Variants in MMP26 observed in about 807,000 individuals in gnomAD.
MMP26 encodes the protein matrix metallopeptidase 26, also known as matrix metalloproteinase-26.
Under a neutral mutation model 31.0 loss-of-function variants are expected in MMP26, and 33 were observed. That is an observed-to-expected ratio of 1.06 (90% CI 0.81 to 1.42). The LOEUF (loss-of-function observed/expected upper bound fraction) is 1.42. MMP26 is among the 40% of genes most tolerant of loss of function. The probability of loss-of-function intolerance (pLI) is 0.00; values close to 1 mark genes in which losing one functional copy is unlikely to be tolerated. For missense variants in MMP26, 347 were observed against 316.1 expected (o/e 1.10, Z -0.74); for synonymous variants, 122 against 114.9 (o/e 1.06, Z -0.40).
chr11:4,790,798 C>G (rs1197491458), intron 2 of MMP26, among the ~76,000 whole-genome samples: 2 of 152,090 alleles, frequency 1.3e-5, no homozygotes, highest in African/African-American at 4.8e-5. Context: ...GTTAACCATG[C>G]CAACTCAATA....
At chr11:4,808,498 T>G (rs373396997) in intron 2 of MMP26, among the ~76,000 whole-genome samples, 1 of 152,072 alleles carries the variant, frequency 6.6e-6, no homozygotes. Context: ...GGGGAGGACA[T>G]CTTTAATGTA....
At chr11:4,948,863 C>G (rs1846345257) in intron 2 of MMP26, among the ~76,000 whole-genome samples, 1 of 124,370 alleles carries the variant, frequency 8.0e-6, no homozygotes, top group African/African-American at 2.7e-5. Context: ...GAAAATAAGC[C>G]CCACTTGGTT....
At chr11:4,908,484 CA>C in intron 2 of MMP26, 2 of 613,836 alleles carry the variant, frequency 3.3e-6, no homozygotes, top group Admixed American at 5.6e-5. Context: ...AAAAAAAAGT[CA>C]AGAGATATAT....
chr11:4,775,712 G>A lies in MMP26; in HGVS notation c.-145+8371G>A, dbSNP rs187847816. Among the ~76,000 whole-genome samples, 9 of 151,582 alleles carry A rather than the reference G, an allele frequency of 5.9e-5. No individual in the cohort carries two copies. The East Asian group carries it at 7.7e-4, about 13-fold the overall frequency. ...GGCTGAAAGTGAAGGGTAGTCAAGC[G>A]AGTGCAGAGAGTACAAGGAAAGAGA... On this transcript the variant is annotated intron_variant, in intron 2 of 7. Coordinates refer to ENST00000380390, the MANE Select transcript of MMP26 (RefSeq NM_021801.5).
intron 1 of MMP26, chr11:4,723,459 T>A (rs1465690440): frequency 4.7e-6 from 5 of 1,058,198 alleles, no homozygotes; most frequent in African/African-American, 3.1e-5. Flanking sequence ...GCACCACAGA[T>A]GTGTCCGAAA....
Position 4,849,292 on chromosome 11 carries a change from G to A in MMP26, c.-145+81951G>A, listed in dbSNP as rs1253893299. On this transcript the variant is annotated intron_variant, in intron 2 of 7. Coordinates refer to ENST00000380390, the MANE Select transcript of MMP26 (RefSeq NM_021801.5). The stretch of plus-strand genomic sequence containing the variant: ...ATCGCGTGCCAAATTTGCATGAAAC[G>A]TTCCAAAATAGCCTGCATCTTCCCT... The A allele has an allele frequency of 3.5e-5, 50 of 1,444,180 alleles. 2 individuals are homozygous for A. The highest frequency in any genetic ancestry group is 1.1e-4 in the South Asian group (8 of 74,592). The allele number at this position is 1,444,180 out of a possible 1,614,324, so 89.5% of individuals were successfully genotyped here.
intron 1 of MMP26, among the ~76,000 whole-genome samples, chr11:4,726,962 A>G (rs908627722): frequency 6.6e-6 from 1 of 152,148 alleles, no homozygotes; most frequent in African/African-American, 2.4e-5. Context: ...GTTGCCGTGA[A>G]CTATGATTAT....
intron 2 of MMP26, among the ~76,000 whole-genome samples, chr11:4,841,214 A>G (rs748361275): frequency 6.6e-5 from 10 of 152,214 alleles, no homozygotes; most frequent in Non-Finnish European, 1.3e-4. Flanking sequence ...TTGGTCTTAA[A>G]GAGGAGATGG....
intron 2 of MMP26, among the ~76,000 whole-genome samples, chr11:4,802,647 A>G (rs1589905040): frequency 6.6e-6 from 1 of 152,212 alleles, no homozygotes; most frequent in Admixed American, 6.5e-5. Flanking sequence ...AATTAAATTT[A>G]AAAATACACT....
intron 2 of MMP26, among the ~76,000 whole-genome samples, chr11:4,987,696 C>T (rs1290514370): frequency 6.6e-6 from 1 of 152,020 alleles, no homozygotes; most frequent in Non-Finnish European, 1.5e-5. Flanking sequence ...GGATTACAGG[C>T]GTGAGCCATC....
At chr11:4,764,587 T>C (rs1848604790) in intron 1 of MMP26, among the ~76,000 whole-genome samples, 1 of 152,184 alleles carries the variant, frequency 6.6e-6, no homozygotes, top group African/African-American at 2.4e-5. Context: ...CAAAGAATAC[T>C]GGGCAGGGCG....
chr11:4,723,396 G>C (rs1340160468), intron 1 of MMP26: 8 of 950,306 alleles, frequency 8.4e-6, no homozygotes, highest in Non-Finnish European at 1.2e-5. Context: ...ACTGCGCCTT[G>C]ACCTCAGCGA....
At chr11:4,822,741 A>G (rs1365880956) in intron 2 of MMP26, among the ~76,000 whole-genome samples, 1 of 152,174 alleles carries the variant, frequency 6.6e-6, no homozygotes, top group Non-Finnish European at 1.5e-5. Context: ...AAAACACTTT[A>G]ATTAGTTTCT....
At chr11:4,977,025 GA>G (rs1303417592) in intron 2 of MMP26, among the ~76,000 whole-genome samples, 3 of 152,010 alleles carry the variant, frequency 2.0e-5, no homozygotes, top group African/African-American at 7.2e-5. Flanking sequence ...TTTATTTTTA[GA>G]GGCCAGTCTA....
intron 2 of MMP26, among the ~76,000 whole-genome samples, chr11:4,830,683 C>T (rs919963472): frequency 3.3e-5 from 5 of 152,212 alleles, no homozygotes; most frequent in Non-Finnish European, 7.3e-5. Context: ...ATACCAATAA[C>T]AGGCTGTTAG....
At chr11:4,981,274 A>T (rs1281457400) in intron 2 of MMP26, among the ~76,000 whole-genome samples, 1 of 152,082 alleles carries the variant, frequency 6.6e-6, no homozygotes, top group East Asian at 1.9e-4. Context: ...ACGCTTAATG[A>T]TAGAGATACT....
intron 1 of MMP26, among the ~76,000 whole-genome samples, chr11:4,719,794 A>T (rs914155488): frequency 2.0e-5 from 3 of 152,220 alleles, no homozygotes; most frequent in African/African-American, 7.2e-5. Context: ...TGTACATTTG[A>T]GATGAATCAT....
intron 5 of MMP26, 25 bp from the exon 6 acceptor site, chr11:4,991,346 T>C: frequency 6.2e-7 from 1 of 1,605,254 alleles, no homozygotes; most frequent in Non-Finnish European, 8.5e-7. Flanking sequence ...ACCCTCATTG[T>C]GATCATAGCT....
chr11:4,943,409 G>T (rs1367250874), intron 2 of MMP26: 6 of 453,380 alleles, frequency 1.3e-5, no homozygotes, highest in Non-Finnish European at 2.7e-5. Flanking sequence ...CCTAGGTGCT[G>T]TGTAGGTGAG....
Sources: allele counts gnomAD v4.1 joint callset (sites outside exome capture counted in the v4.1 genomes callset), GRCh38; gene constraint gnomAD v4.1.1; transcripts MANE v1.5; gene names NCBI Gene and HGNC (gene_info 2026-07-23, HGNC 2026-07-21).